HECW2: variants seen among roughly 807,000 people sequenced by gnomAD.
HECW2 encodes HECT, C2 and WW domain containing E3 ubiquitin protein ligase 2.
A neutral mutation model predicts 175.2 loss-of-function variants in HECW2; 61 were observed. The ratio of observed to expected loss-of-function variants is 0.35; its 90% CI spans 0.28 to 0.43. The LOEUF (loss-of-function observed/expected upper bound fraction) is 0.43, where lower values mean the gene tolerates loss of function less well. Among genes scored for constraint, HECW2 ranks in the 20% least tolerant of loss-of-function variants. HECW2 has a pLI of 1.00. For synonymous variants in HECW2, 671 were observed against 731.0 expected, an observed-to-expected ratio of 0.92 and a Z score of 1.32; for missense variants, 1,524 against 2,000.5, an observed-to-expected ratio of 0.76 and a Z score of 4.54.
intron 1 of HECW2, among the ~76,000 whole-genome samples, chr2:196,573,013 A>C (rs1690439364): frequency 6.6e-6 from 1 of 152,214 alleles, no homozygotes; most frequent in Non-Finnish European, 1.5e-5. Flanking sequence ...CTACACATGG[A>C]CTTTTCTTTA....
In HECW2 at chr2:196,196,837, T is replaced by A. The variant is rs545527047; in HGVS notation, c.*4440A>T. The A allele has an allele frequency of 6.6e-6, 1 of 152,314 alleles. No homozygotes were observed. The highest frequency in any genetic ancestry group is 2.1e-4 in the South Asian group (1 of 4,830). The allele number at this position is 152,314 out of a possible 1,614,324, so 9.4% of individuals were successfully genotyped here. ...CTGCCAGCATGGTGGCTCACACCTA[T>A]AATTACTCCTAGCACTTTGGGAGGC... On this transcript the variant is annotated 3_prime_UTR_variant, in exon 29 of 29. Coordinates refer to ENST00000644978, the MANE Select transcript of HECW2 (RefSeq NM_001348768.2).
chr2:196,369,690 T>C (rs1362038923), intron 2 of HECW2, among the ~76,000 whole-genome samples: 6 of 152,072 alleles, frequency 3.9e-5, no homozygotes, highest in Non-Finnish European at 8.8e-5. Context: ...CTTAGGAATA[T>C]ACTTGATGTT....
At chr2:196,382,711 C>A (rs542340192) in intron 2 of HECW2, among the ~76,000 whole-genome samples, 4 of 152,134 alleles carry the variant, frequency 2.6e-5, no homozygotes, top group Admixed American at 2.6e-4. Flanking sequence ...TTATAAATAA[C>A]CTGGCTTTAA....
chr2:196,571,359 T>G (rs1198504713), intron 1 of HECW2, among the ~76,000 whole-genome samples: 1 of 152,296 alleles, frequency 6.6e-6, no homozygotes, highest in East Asian at 1.9e-4. Flanking sequence ...TACTGAAGAA[T>G]GTATCAAAAA....
chr2:196,587,472 T>A (rs1299746528), intron 1 of HECW2, among the ~76,000 whole-genome samples: 1 of 152,254 alleles, frequency 6.6e-6, no homozygotes. Flanking sequence ...CCATTTTATA[T>A]GCAGTGGGAT....
intron 13 of HECW2, among the ~76,000 whole-genome samples, chr2:196,296,508 C>G (rs560531470): frequency 8.5e-5 from 13 of 152,246 alleles, no homozygotes; most frequent in African/African-American, 3.1e-4. Flanking sequence ...AATTGTTCAC[C>G]ACTTTTAGTC....
intron 2 of HECW2, among the ~76,000 whole-genome samples, chr2:196,421,466 T>C (rs1334797903): frequency 2.6e-5 from 4 of 152,162 alleles, no homozygotes; most frequent in Non-Finnish European, 5.9e-5. Flanking sequence ...TATAGCAGGA[T>C]AAAATAATTG....
At chr2:196,513,584 C>G (rs970868027) in intron 1 of HECW2, among the ~76,000 whole-genome samples, 3 of 152,180 alleles carry the variant, frequency 2.0e-5, no homozygotes, top group Non-Finnish European at 4.4e-5. Context: ...AAAGGGCTTA[C>G]ATTCTTGTTG....
intron 13 of HECW2, among the ~76,000 whole-genome samples, chr2:196,298,317 C>T (rs1047868746): frequency 9.9e-5 from 15 of 151,858 alleles, no homozygotes; most frequent in Non-Finnish European, 2.1e-4. Flanking sequence ...CATTAGAGGG[C>T]AGTAGAATAA....
chr2:196,582,031 A>G (rs932651008), intron 1 of HECW2, among the ~76,000 whole-genome samples: 7 of 150,316 alleles, frequency 4.7e-5, no homozygotes, highest in South Asian at 2.1e-4. Flanking sequence ...GTGCCACTGC[A>G]CTCCAGCCTG....
chr2:196,589,115 C>G (rs191629509), intron 1 of HECW2, among the ~76,000 whole-genome samples: 47 of 152,260 alleles, frequency 3.1e-4, no homozygotes, highest in African/African-American at 1.1e-3. Flanking sequence ...ATGAGAATCG[C>G]TTAAACCCAG....
rs1686798692 is a variant in HECW2, at chr2:196,199,787, T to C, written c.*1490A>G. ...AATTAAAATGAAGAATACCTTCTCA[T>C]AAAATTAAGCAGAAGTAAGACTAGT... On this transcript the variant is annotated 3_prime_UTR_variant, in exon 29 of 29. Coordinates refer to ENST00000644978, the MANE Select transcript of HECW2 (RefSeq NM_001348768.2). 6.6e-6 allele frequency: 1 copy of C among 152,176 alleles called. No homozygotes were observed. Among genetic ancestry groups the C allele is most frequent in the African/African-American group, 2.4e-5 (1 of 41,458 alleles). 9.4% of individuals were successfully genotyped at this position (152,176 alleles called of 1,614,324 possible).
intron 2 of HECW2, among the ~76,000 whole-genome samples, chr2:196,379,992 A>C (rs1455796954): frequency 6.6e-6 from 1 of 152,086 alleles, no homozygotes; most frequent in Non-Finnish European, 1.5e-5. Flanking sequence ...GCTTAAATCA[A>C]TTATTTTTGA....
At chr2:196,556,803 A>G (rs1689808510) in intron 1 of HECW2, among the ~76,000 whole-genome samples, 1 of 152,212 alleles carries the variant, frequency 6.6e-6, no homozygotes, top group Non-Finnish European at 1.5e-5. Context: ...AGAAAAAGAA[A>G]CTGTTACATC....
At chr2:196,550,390 C>G (rs1237256055) in intron 1 of HECW2, among the ~76,000 whole-genome samples, 1 of 151,718 alleles carries the variant, frequency 6.6e-6, no homozygotes, top group Non-Finnish European at 1.5e-5. Context: ...CCCTGTCATT[C>G]CAGATATATC....
chr2:196,550,194 T>C (rs1054648913), intron 1 of HECW2, among the ~76,000 whole-genome samples: 2 of 152,204 alleles, frequency 1.3e-5, no homozygotes, highest in African/African-American at 4.8e-5. Flanking sequence ...CATATAAAGG[T>C]AGACTGACTG....
chr2:196,344,322 GAAA>G lies in HECW2; in HGVS notation c.293-561_293-559del, dbSNP rs60573890. On this transcript the variant is annotated intron_variant, in intron 2 of 28. Transcript: ENST00000644978. ...AGGCATAGACCTTGAGACAAGATAA[GAAA>G]AAAAAAAAAAAAAAAAAAAGAGTCT... Among the ~76,000 whole-genome samples, 3 of 67,660 alleles carry G rather than the reference GAAA, an allele frequency of 4.4e-5. No homozygotes were observed. In the Admixed American group the frequency reaches 6.4e-4, roughly 14 times the overall value. The allele number at this position is 67,660 out of a possible 152,430, so 44.4% of individuals were successfully genotyped here.
chr2:196,448,091 G>A (rs1696238686), intron 1 of HECW2, among the ~76,000 whole-genome samples: 1 of 152,130 alleles, frequency 6.6e-6, no homozygotes, highest in Non-Finnish European at 1.5e-5. Context: ...CACTTCATTT[G>A]TTATTTGTTC....
chr2:196,370,127 G>A (rs1406044769), intron 2 of HECW2, among the ~76,000 whole-genome samples: 1 of 151,856 alleles, frequency 6.6e-6, no homozygotes, highest in Non-Finnish European at 1.5e-5. Context: ...GAATCTGCTG[G>A]GTCATACCTG....
Sources: allele counts gnomAD v4.1 joint callset (sites outside exome capture counted in the v4.1 genomes callset), GRCh38; gene constraint gnomAD v4.1.1; transcripts MANE v1.5; gene names NCBI Gene and HGNC (gene_info 2026-07-23, HGNC 2026-07-21).